Variants in TUBB8 observed in about 807,000 individuals in gnomAD.
The protein encoded by TUBB8 is tubulin beta-8 chain.
A neutral mutation model predicts 33.7 loss-of-function variants in TUBB8; 25 were observed. That is an observed-to-expected ratio of 0.74 (90% CI 0.54 to 1.04). TUBB8 has a LOEUF of 1.04. Among genes scored for constraint, TUBB8 ranks in the 50% least tolerant of loss-of-function variants. The pLI, the probability that TUBB8 is intolerant of heterozygous loss-of-function variation, is 0.00. For synonymous variants in TUBB8, 245 were observed against 240.1 expected (o/e 1.02, Z -0.19); for missense variants, 279 against 608.0 (o/e 0.46, Z 5.69).
upstream of TUBB8, chr10:49,582 G>T (rs550600433): frequency 6.4e-5 from 35 of 547,398 alleles, no homozygotes; most frequent in Non-Finnish European, 9.7e-5. Flanking sequence ...GAAGACTCTT[G>T]TTTCCATATG....
chr10:64,584 C>G (rs1834645660), intron 1 of TUBB8, among the ~76,000 whole-genome samples: 2 of 152,160 alleles, frequency 1.3e-5, no homozygotes, highest in Non-Finnish European at 2.9e-5. Context: ...TACCCCAACC[C>G]TAAATCAAAC....
chr10:65,278 T>A (rs533894248), intron 1 of TUBB8, among the ~76,000 whole-genome samples: 2 of 152,194 alleles, frequency 1.3e-5, no homozygotes, highest in Non-Finnish European at 2.9e-5. Context: ...TTTCTGCTAA[T>A]TTTTTTCCCC....
chr10:69,522 A>G (rs1588281285), intron 1 of TUBB8, among the ~76,000 whole-genome samples: 2 of 152,252 alleles, frequency 1.3e-5, no homozygotes, highest in South Asian at 2.1e-4. Context: ...GATCAAGGAA[A>G]TAATAGTTTA....
upstream of TUBB8, among the ~76,000 whole-genome samples, chr10:53,472 G>A (rs1311151606): frequency 2.6e-5 from 4 of 152,150 alleles, no homozygotes; most frequent in African/African-American, 9.7e-5. Flanking sequence ...TGTTGAGCAG[G>A]GAGCTGAGCA....
upstream of TUBB8, chr10:49,719 T>C (rs1361632538): frequency 2.6e-6 from 1 of 385,472 alleles, no homozygotes; most frequent in Non-Finnish European, 5.1e-6. Flanking sequence ...GACTCAATTA[T>C]ACGTTTTACT....
At chr10:68,632 A>G (rs1201224945) in intron 1 of TUBB8, among the ~76,000 whole-genome samples, 2 of 152,224 alleles carry the variant, frequency 1.3e-5, no homozygotes, top group Non-Finnish European at 2.9e-5. Context: ...TACTTCTAGG[A>G]ATCTTGCAAT....
At chr10:56,456 T>C (rs1834532218) in intron 1 of TUBB8, among the ~76,000 whole-genome samples, 1 of 152,272 alleles carries the variant, frequency 6.6e-6, no homozygotes, top group Admixed American at 6.5e-5. Context: ...CATTGGCTCA[T>C]GGTTCTACAG....
In TUBB8 at chr10:61,806, T is replaced by C. The variant is rs1834605571; in HGVS notation, c.-845-11573A>G. Among the ~76,000 whole-genome samples the C allele has an allele frequency of 2.6e-5, 4 of 152,252 alleles. No homozygotes were observed. In the South Asian group the frequency reaches 6.2e-4, roughly 24 times the overall value. On this transcript the variant is annotated intron_variant, in intron 1 of 3. Coordinates refer to the TUBB8 transcript ENST00000564130. ...TTGGGTGCATATATATTTCCAATTA[T>C]ATCCTCTTCAAGAATTGATCTCTTT...
chr10:49,751 A>AT, upstream of TUBB8: 1 of 365,464 alleles, frequency 2.7e-6, no homozygotes, highest in Non-Finnish European at 5.4e-6. Flanking sequence ...CTAACCCACA[A>AT]TAAGCTATGG....
chr10:75,282 G>A (rs1405387666), upstream of TUBB8, among the ~76,000 whole-genome samples: 3 of 151,946 alleles, frequency 2.0e-5, no homozygotes, highest in African/African-American at 4.8e-5. Flanking sequence ...CCAGGACACC[G>A]AGGCTGCAGT....
chr10:48,943 G>C, intron 1 of TUBB8, 31 bp from the exon 2 acceptor site: 1 of 1,419,336 alleles, frequency 7.0e-7, no homozygotes, highest in South Asian at 1.2e-5. Flanking sequence ...CAGACAGGCC[G>C]GGGCTGAGTC....
chr10:76,235 C>G (rs374707343), upstream of TUBB8, among the ~76,000 whole-genome samples: 2 of 152,042 alleles, frequency 1.3e-5, no homozygotes, highest in African/African-American at 4.8e-5. Context: ...GCCTCCCGAC[C>G]GACGGCACAA....
rs199529001 is a variant in TUBB8, at chr10:47,041, C to T, written c.*16G>A. The T allele has an allele frequency of 0.022, 18,358 of 821,498 alleles. 253 individuals carry two copies. Among genetic ancestry groups the T allele is most frequent in the Non-Finnish European group, 0.029 (14,837 of 503,818 alleles). 50.9% of individuals were successfully genotyped at this position (821,498 alleles called of 1,614,324 possible). On this transcript the variant is annotated 3_prime_UTR_variant, in exon 4 of 4. Coordinates refer to ENST00000568584, the MANE Select transcript of TUBB8 (RefSeq NM_177987.3). Reference sequence around the variant, plus strand: ...AATCCACACTGCTTCCCCCCTTTACCTAGAAAAGGAGAGTTCTAGGCCACC... The same window carrying T: ...AATCCACACTGCTTCCCCCCTTTACTTAGAAAAGGAGAGTTCTAGGCCACC...
At chr10:52,897 T>C (rs190207983), upstream of TUBB8, among the ~76,000 whole-genome samples, 2 of 152,330 alleles carry the variant, frequency 1.3e-5, no homozygotes, top group Non-Finnish European at 2.9e-5. Flanking sequence ...CACGAGTTCC[T>C]CTAACACAAC....
At chr10:72,648 C>T (rs542059267) in intron 1 of TUBB8, among the ~76,000 whole-genome samples, 1 of 152,086 alleles carries the variant, frequency 6.6e-6, no homozygotes, top group South Asian at 2.1e-4. Flanking sequence ...GTCAGAAGTT[C>T]AAGACCAGCC....
At chr10:51,612 A>G (rs76776213), upstream of TUBB8, among the ~76,000 whole-genome samples, 25 of 151,902 alleles carry the variant, frequency 1.6e-4, no homozygotes, top group African/African-American at 6.1e-4. Context: ...TGCCAGAAAG[A>G]CTAGAAGCAC....
upstream of TUBB8, among the ~76,000 whole-genome samples, chr10:53,970 G>A (rs1336349625): frequency 6.6e-6 from 1 of 151,942 alleles, no homozygotes; most frequent in Non-Finnish European, 1.5e-5. Context: ...TTTGATACAG[G>A]CATGCAATCA....
chr10:73,282 T>C (rs1834761548), intron 1 of TUBB8, among the ~76,000 whole-genome samples: 1 of 152,210 alleles, frequency 6.6e-6, no homozygotes, highest in South Asian at 2.1e-4. Flanking sequence ...GGCGTGAGCA[T>C]GATAATGTGC....
At chr10:66,655 G>A (rs527955998) in intron 1 of TUBB8, among the ~76,000 whole-genome samples, 17,383 of 116,498 alleles carry the variant, frequency 0.15, no homozygotes, top group African/African-American at 0.28. Flanking sequence ...CCTTGAAAAA[G>A]AAAGAAAAAG....
Sources: allele counts gnomAD v4.1 joint callset (sites outside exome capture counted in the v4.1 genomes callset), GRCh38; gene constraint gnomAD v4.1.1; transcripts MANE v1.5; gene names NCBI Gene and HGNC (gene_info 2026-07-23, HGNC 2026-07-21).